MAGED2: variants seen among roughly 807,000 people sequenced by gnomAD.
MAGED2 encodes melanoma-associated antigen D2.
In MAGED2, 6 loss-of-function variants were observed where a neutral mutation model predicts 41.7. The ratio of observed to expected loss-of-function variants is 0.14; its 90% CI spans 0.08 to 0.28. MAGED2 has a LOEUF of 0.28. Ranked by LOEUF, MAGED2 falls within the 10% of genes least tolerant of loss-of-function variation. The probability of loss-of-function intolerance (pLI) is 1.00; values close to 1 mark genes in which losing one functional copy is unlikely to be tolerated. For synonymous variants in MAGED2, 146 were observed against 178.2 expected (o/e 0.82, Z 1.44); for missense variants, 343 against 486.4 (o/e 0.71, Z 2.77).
At chrX:54,812,120 A>G (rs752123096) in intron 6 of MAGED2, 37 bp from the exon 7 acceptor site, 1 of 890,678 alleles carries the variant, frequency 1.1e-6, no homozygotes, top group Non-Finnish European at 1.7e-6. Context: ...CGGAAGCTGA[A>G]TTTTGTCATC....
intron 1 of MAGED2, 117 bp from the exon 2 acceptor site, chrX:54,809,186 G>C: frequency 5.8e-6 from 3 of 515,047 alleles, no homozygotes; most frequent in Non-Finnish European, 1.0e-5. Flanking sequence ...GAGTCGTTGG[G>C]GGTGGTGGAG....
At position 54,808,039 on chromosome X, in the gene MAGED2, G is replaced by A. The variant is rs1459621664; in HGVS notation, c.-30+237G>A. 2.8e-5 allele frequency among the ~76,000 whole-genome samples: 3 copies of A among 108,784 alleles called. No individual in the cohort carries two copies. In the Admixed American group the frequency reaches 2.9e-4, roughly 11 times the overall value. The allele number at this position is 108,784 out of a possible 115,157, so 94.5% of individuals were successfully genotyped here. A position where few individuals can be genotyped will look rare whatever the true frequency, so the allele number is the denominator to read the frequency against. ...ACGGGGAACCAGGAATGTTGGGAGGGGGACGAGGAATACAAGGAGGGAGGG... is the reference window on the plus strand; with the variant it reads ...ACGGGGAACCAGGAATGTTGGGAGGAGGACGAGGAATACAAGGAGGGAGGG... On this transcript the variant is annotated intron_variant, in intron 1 of 12. Coordinates refer to ENST00000375068, the MANE Select transcript of MAGED2 (RefSeq NM_177433.3).
At chrX:54,812,589 G>A (rs1379690645) in intron 7 of MAGED2, among the ~76,000 whole-genome samples, 5 of 111,884 alleles carry the variant, frequency 4.5e-5, no homozygotes, top group African/African-American at 1.6e-4. Context: ...AGGGCTTCCT[G>A]GTGTGGGTGG....
At chrX:54,810,246 C>G in intron 3 of MAGED2, 33 bp downstream of exon 3, 2 of 882,260 alleles carry the variant, frequency 2.3e-6, no homozygotes, top group African/African-American at 2.0e-5. Context: ...CCTTGGTTTT[C>G]TACTCCTCTC....
Position 54,814,566 on chromosome X carries a change from A to G in MAGED2, c.1272-95A>G, listed in dbSNP as rs933303319. On this transcript the variant is annotated intron_variant, in intron 10 of 12. Coordinates refer to ENST00000375068, the MANE Select transcript of MAGED2 (RefSeq NM_177433.3). ...TATTGGAAGAAAGACTGTAGTAATT[A>G]GTGGATGATGTTGCCATCTGGAGCC... 10 of 578,615 alleles carry G rather than the reference A, an allele frequency of 1.7e-5. No individual in the cohort carries two copies. The African/African-American group carries it at 2.2e-4, about 13-fold the overall frequency. 47.7% of individuals were successfully genotyped at this position (578,615 alleles called of 1,213,427 possible).
In MAGED2 at chrX:54,812,146, C is replaced by T. The variant is rs1012240047; in HGVS notation, c.991-11C>T. 2.8e-6 allele frequency: 3 copies of T among 1,082,204 alleles called. No individual in the cohort carries two copies. Among genetic ancestry groups the T allele is most frequent in the Non-Finnish European group, 3.8e-6 (3 of 780,070 alleles). 89.2% of individuals were successfully genotyped at this position (1,082,204 alleles called of 1,213,427 possible). A position where few individuals can be genotyped will look rare whatever the true frequency, so the allele number is the denominator to read the frequency against. On this transcript the variant is annotated splice_polypyrimidine_tract_variant and intron_variant, in intron 6 of 12. Transcript: ENST00000375068. ...TTTTGTCATCTCACAAGCTGTTCTC[C>T]CCATCCACAGGTATTTGGGATTCAA...
At position 54,809,767 on chromosome X, in the gene MAGED2, T is replaced by C. The variant is rs1233431594; in HGVS notation, c.91T>C (p.Leu31=). 7 of 1,207,892 alleles carry C rather than the reference T, an allele frequency of 5.8e-6. No homozygotes were observed. Among genetic ancestry groups the C allele is most frequent in the Non-Finnish European group, 7.8e-6 (7 of 893,703 alleles). Residue 31 remains leucine, a synonymous_variant, in exon 3 of 13, where the codon TTG becomes CTG. Transcript: ENST00000375068. ...CAGTAGCTCGATGATGCAGACTCTG[T>C]TGACAGTGACCCAGAATGTGGAGGT... ...KDSSSMMQTL[L]TVTQNVEVPE... is the part of the protein sequence containing the mutation.
intron 7 of MAGED2, among the ~76,000 whole-genome samples, chrX:54,812,713 ATCT>A (rs1929845707): frequency 8.9e-6 from 1 of 112,209 alleles, no homozygotes; most frequent in South Asian, 3.7e-4. Context: ...CCATTCTTCC[ATCT>A]TCTTGGAAAC....
chrX:54,810,301 G>A, intron 3 of MAGED2, 88 bp downstream of exon 3: 1 of 577,070 alleles, frequency 1.7e-6, no homozygotes, highest in South Asian at 3.7e-5. Context: ...AGATCCCTGT[G>A]CTCATCAGGG....
chrX:54,809,117 G>A (rs1929716631), intron 1 of MAGED2, 186 bp from the exon 2 acceptor site: 1 of 427,654 alleles, frequency 2.3e-6, no homozygotes, highest in East Asian at 3.9e-5. Context: ...TGGAGAAGGG[G>A]AGGGTGCGGC....
Position 54,810,139 on chromosome X carries a change from C to T in MAGED2, c.463C>T (p.Pro155Ser). Residue 155 changes from proline to serine, a missense_variant, in exon 3 of 13, where the codon CCT (proline) becomes TCT (serine). Pro to Ser is a moderately conservative substitution (Grantham distance 74). Coordinates refer to ENST00000375068, the MANE Select transcript of MAGED2 (RefSeq NM_177433.3). ...PSQAPADEPE[P>S]ESAAAQSQEN... ...TCAGGCCCCAGCAGATGAACCTGAG[C>T]CTGAGAGTGCAGCTGCCCAGTCTCA... The T allele has an allele frequency of 8.4e-7, 1 of 1,195,075 alleles. No homozygotes were observed. Among genetic ancestry groups the T allele is most frequent in the Non-Finnish European group, 1.1e-6 (1 of 886,272 alleles).
At chrX:54,813,255 C>T (rs759336917) in intron 9 of MAGED2, 95 bp downstream of exon 9, 262 of 1,173,362 alleles carry the variant, frequency 2.2e-4, no homozygotes, top group Non-Finnish European at 7.5e-5. Context: ...TCTGGTGGAG[C>T]GGGTGGGGTG....
chrX:54,811,988 A>G (rs990501858), intron 6 of MAGED2, among the ~76,000 whole-genome samples, 169 bp from the exon 7 acceptor site: 1 of 111,957 alleles, frequency 8.9e-6, no homozygotes, highest in Admixed American at 9.4e-5. Context: ...GATGATGACA[A>G]TAGTACATTT....
chrX:54,809,058 C>T (rs982094719), intron 1 of MAGED2: 29 of 384,065 alleles, frequency 7.6e-5, no homozygotes, highest in Non-Finnish European at 1.2e-4. Flanking sequence ...GGGGGGTGCA[C>T]TGGGAAAAGG....
At position 54,815,614 on chromosome X, in the gene MAGED2, G is replaced by C. The variant is rs200491129; in HGVS notation, c.1753G>C (p.Ala585Pro). Residue 585 changes from alanine to proline, a missense_variant, in exon 12 of 13, where the codon GCT becomes CCT. Physicochemically the swap from Ala to Pro is conservative, Grantham distance 27. Transcript: ENST00000375068. ...CGCCACTCTCACATTTGGGCTCTTC[G>C]CTGGCCTTGGTGGAGCTGGTGCCAG... ...LTATLTFGLFAGLGGAGASTS... is the reference protein window; with the variant it reads ...LTATLTFGLFPGLGGAGASTS... 1 of 1,166,245 alleles carries C rather than the reference G, an allele frequency of 8.6e-7. No individual in the cohort carries two copies. The highest frequency in any genetic ancestry group is 1.8e-5 in the African/African-American group (1 of 55,908).
chrX:54,814,233 AACAC>A lies in MAGED2; in HGVS notation c.1272-422_1272-419del, dbSNP rs201002248. On this transcript the variant is annotated intron_variant, in intron 10 of 12. Transcript: ENST00000375068. ...ACAGCCACACGCATGTGCACACAGA[AACAC>A]ACACAAAGGGTCAGGAATTCAGCAT... 2,091 of 294,463 alleles carry A rather than the reference AACAC, an allele frequency of 7.1e-3. 21 individuals are homozygous for A. The highest frequency in any genetic ancestry group is 0.052 in the African/African-American group (1,935 of 36,869). 24.3% of individuals were successfully genotyped at this position (294,463 alleles called of 1,213,427 possible).
intron 6 of MAGED2, 76 bp downstream of exon 6, chrX:54,811,729 G>A: frequency 1.3e-6 from 1 of 768,515 alleles, no homozygotes; most frequent in Non-Finnish European, 2.0e-6. Flanking sequence ...TCCCTTCTCG[G>A]GAACCAAAGA....
chrX:54,809,526 A>G lies in MAGED2; in HGVS notation c.45+150A>G, dbSNP rs778412502. On this transcript the variant is annotated intron_variant, in intron 2 of 12. Transcript: ENST00000375068. ...CCCCCTGCCCAGTGGAGGGAGGGAG[A>G]GAAGGTGGGCGGGCCCCTCTTCTGC... The G allele has an allele frequency of 1.1e-4, 101 of 879,550 alleles. 1 individual carries two copies. The South Asian group carries it at 1.4e-3, about 12-fold the overall frequency. The allele number at this position is 879,550 out of a possible 1,213,427, so 72.5% of individuals were successfully genotyped here.
At chrX:54,810,676 T>G in intron 3 of MAGED2, 145 bp from the exon 4 acceptor site, 1 of 491,792 alleles carries the variant, frequency 2.0e-6, no homozygotes, top group Non-Finnish European at 3.3e-6. Flanking sequence ...GAGAAACAAA[T>G]CCAGGGTTCA....
Sources: allele counts gnomAD v4.1 joint callset (sites outside exome capture counted in the v4.1 genomes callset), GRCh38; gene constraint gnomAD v4.1.1; transcripts MANE v1.5; gene names NCBI Gene and HGNC (gene_info 2026-07-23, HGNC 2026-07-21).